Variants in ADAT2 observed in about 807,000 individuals in gnomAD.
ADAT2 encodes the protein tRNA-specific adenosine-34 deaminase catalytic subunit ADAT2.
A neutral mutation model predicts 25.9 loss-of-function variants in ADAT2; 26 were observed. The observed-to-expected ratio is 1.00, with a 90% CI of 0.74 to 1.39. The LOEUF (loss-of-function observed/expected upper bound fraction) is 1.39, where lower values mean the gene tolerates loss of function less well. Among genes scored for constraint, ADAT2 ranks in the 40% most tolerant of loss-of-function variants. The pLI is 0.00. For synonymous variants in ADAT2, 76 were observed against 86.8 expected, an observed-to-expected ratio of 0.88 and a Z score of 0.69; for missense variants, 220 against 244.8, an observed-to-expected ratio of 0.90 and a Z score of 0.68.
At position 143,435,696 on chromosome 6, in the gene ADAT2, C is replaced by G. The variant is rs537323369; in HGVS notation, c.202-1715G>C. ...TTGCTGTATTATGTTTATTACTTATCTCATGTTTTAATATCCTCTTAATAA... is the reference window on the plus strand; with the variant it reads ...TTGCTGTATTATGTTTATTACTTATGTCATGTTTTAATATCCTCTTAATAA... On this transcript the variant is annotated intron_variant, in intron 2 of 5. Transcript: ENST00000237283. Among the ~76,000 whole-genome samples the G allele has an allele frequency of 9.3e-4, 142 of 152,254 alleles. 1 individual carries two copies. The highest frequency in any genetic ancestry group is 9.4e-4 in the Non-Finnish European group (64 of 68,018).
In ADAT2 at chr6:143,432,563, C is replaced by T; in HGVS notation, c.401G>A (p.Cys134Tyr). Reference protein sequence around the residue: ...YGCQNERFGGCGSVLNIASAD... With the variant: ...YGCQNERFGGYGSVLNIASAD... ...AGAGGCAATATTTAGAACAGAGCCA[C>T]AACCACCAAATCGTTCATTCTGACA... Residue 134 changes from cysteine (C) to tyrosine (Y), a missense_variant, in exon 4 of 6, where the codon TGT (cysteine) becomes TAT (tyrosine). Cys to Tyr is a radical substitution (Grantham distance 194). Transcript: ENST00000237283. The surrounding 1 kb of genome is among the most constrained non-coding windows in gnomAD (Gnocchi z 4.4). 4 of 1,614,214 alleles carry T rather than the reference C, an allele frequency of 2.5e-6. No homozygotes were observed. The highest frequency in any genetic ancestry group is 3.4e-6 in the Non-Finnish European group (4 of 1,180,038).
At chr6:143,430,970 T>G (rs1333019142) in intron 4 of ADAT2, among the ~76,000 whole-genome samples, 1 of 152,214 alleles carries the variant, frequency 6.6e-6, no homozygotes, top group Non-Finnish European at 1.5e-5. Context: ...CTGCTTATAA[T>G]ACAGCATGAA....
chr6:143,441,683 G>T (rs1486359419), intron 1 of ADAT2: 3 of 152,124 alleles, frequency 2.0e-5, no homozygotes, highest in Non-Finnish European at 4.4e-5. Flanking sequence ...TAATACCAGG[G>T]ATTCAATTTC....
chr6:143,433,921 C>T lies in ADAT2; in HGVS notation c.262G>A (p.Gly88Ser). 1 of 1,614,130 alleles carries T rather than the reference C, an allele frequency of 6.2e-7. No homozygotes were observed. Among genetic ancestry groups the T allele is most frequent in the Non-Finnish European group, 8.5e-7 (1 of 1,180,016 alleles). ...DQVLDWCRQS[G>S]KSPSEVFEHT... ...TCAAATACTTCAGAGGGACTCTTGC[C>T]ACTTTGACGACACCAATCGAGGACC... Residue 88 changes from glycine to serine, a missense_variant, in exon 3 of 6, where the codon GGC (glycine) becomes AGC (serine). Coordinates refer to ENST00000237283, the MANE Select transcript of ADAT2 (RefSeq NM_182503.3).
chr6:143,431,878 A>G (rs941760406), intron 4 of ADAT2, among the ~76,000 whole-genome samples: 3 of 152,220 alleles, frequency 2.0e-5, no homozygotes, highest in Non-Finnish European at 2.9e-5. Context: ...CTGAAATACA[A>G]ATTCCTTTTG....
intron 1 of ADAT2, among the ~76,000 whole-genome samples, chr6:143,445,922 T>TA (rs977899662): frequency 2.6e-5 from 4 of 152,062 alleles, no homozygotes; most frequent in Non-Finnish European, 5.9e-5. Flanking sequence ...ATGCACACTA[T>TA]AAAAAAATAC....
chr6:143,450,470 G>A lies in ADAT2; in HGVS notation c.96+93C>T, dbSNP rs986513807. On this transcript the variant is annotated intron_variant, in intron 1 of 5. Coordinates refer to ENST00000237283, the MANE Select transcript of ADAT2 (RefSeq NM_182503.3). ...ACATCTGACTGCCATAAAAATTATG[G>A]TGACGAGAAAGAACGTTTGCTCAAA... The A allele has an allele frequency of 4.4e-6, 6 of 1,359,354 alleles. No individual in the cohort carries two copies. In the African/African-American group the frequency reaches 8.6e-5, roughly 19 times the overall value. The allele number at this position is 1,359,354 out of a possible 1,614,324, so 84.2% of individuals were successfully genotyped here.
At chr6:143,438,733 A>G in intron 1 of ADAT2, 39 bp from the exon 2 acceptor site, 2 of 1,484,386 alleles carry the variant, frequency 1.3e-6, no homozygotes, top group Non-Finnish European at 1.9e-6. Flanking sequence ...GTAATACTCC[A>G]TACTTGAAGA....
chr6:143,436,596 C>T lies in ADAT2; in HGVS notation c.201+1994G>A. ...GCGAGGGCAAGAATGAGATGGAATT[C>T]ACTGGGGCCGAGAGCAACATGAATG... On this transcript the variant is annotated intron_variant, in intron 2 of 5. Coordinates refer to ENST00000237283, the MANE Select transcript of ADAT2 (RefSeq NM_182503.3). This position sits in a 1 kb window ranked among gnomAD's most constrained non-coding sequence, Gnocchi z 4.1. The T allele has an allele frequency of 2.4e-6, 1 of 412,024 alleles. No individual in the cohort carries two copies. Among genetic ancestry groups the T allele is most frequent in the South Asian group, 2.1e-5 (1 of 48,694 alleles). 25.5% of individuals were successfully genotyped at this position (412,024 alleles called of 1,614,324 possible).
chr6:143,435,101 T>C (rs1779229342), intron 2 of ADAT2, among the ~76,000 whole-genome samples: 1 of 147,456 alleles, frequency 6.8e-6, no homozygotes, highest in South Asian at 2.1e-4. Flanking sequence ...AGATGGAAGG[T>C]ACTTTACAGA....
chr6:143,434,936 C>G lies in ADAT2; in HGVS notation c.202-955G>C, dbSNP rs543529011. Among the ~76,000 whole-genome samples, 1 of 152,164 alleles carries G rather than the reference C, an allele frequency of 6.6e-6. No homozygotes were observed. Among genetic ancestry groups the G allele is most frequent in the East Asian group, 1.9e-4 (1 of 5,178 alleles). ...TAGGATAAAAAGTCTCTGTCCTCAA[C>G]AAGCATAAAATCTGGTAGGGCTCAT... On this transcript the variant is annotated intron_variant, in intron 2 of 5. Coordinates refer to ENST00000237283, the MANE Select transcript of ADAT2 (RefSeq NM_182503.3). This position sits in a 1 kb window ranked among gnomAD's most constrained non-coding sequence, Gnocchi z 4.5.
intron 4 of ADAT2, among the ~76,000 whole-genome samples, chr6:143,429,779 C>A (rs1779053173): frequency 6.6e-6 from 1 of 152,190 alleles, no homozygotes; most frequent in Admixed American, 6.5e-5. Flanking sequence ...GCACAGAGGA[C>A]AGGAGGACCA....
At chr6:143,443,922 C>T (rs1406180755) in intron 1 of ADAT2, among the ~76,000 whole-genome samples, 1 of 151,898 alleles carries the variant, frequency 6.6e-6, no homozygotes, top group Non-Finnish European at 1.5e-5. Flanking sequence ...AAAATATCTC[C>T]TGAAGAGCTC....
At chr6:143,435,030 G>C (rs999638379) in intron 2 of ADAT2, among the ~76,000 whole-genome samples, 3 of 152,048 alleles carry the variant, frequency 2.0e-5, no homozygotes, top group African/African-American at 7.2e-5. Flanking sequence ...GGAAGCTAGA[G>C]GCAGATGGGA....
At chr6:143,438,865 C>T (rs1415869614) in intron 1 of ADAT2, among the ~76,000 whole-genome samples, 171 bp from the exon 2 acceptor site, 2 of 152,120 alleles carry the variant, frequency 1.3e-5, no homozygotes, top group African/African-American at 4.8e-5. Flanking sequence ...TGCCCGTGTT[C>T]TGTGTTGTGT....
At chr6:143,447,809 T>C (rs144790585) in intron 1 of ADAT2, among the ~76,000 whole-genome samples, 2,255 of 152,270 alleles carry the variant, frequency 0.015, 87 homozygotes, top group Admixed American at 0.073. Context: ...GACTGTAAAC[T>C]AGTTCAACCA....
rs1177991480 is a variant in ADAT2 at position 143,425,437 on chromosome 6, G to A, written c.*3026C>T. 1 of 150,796 alleles carries A rather than the reference G, an allele frequency of 6.6e-6. No homozygotes were observed. Among genetic ancestry groups the A allele is most frequent in the East Asian group, 1.9e-4 (1 of 5,162 alleles). The allele number at this position is 150,796 out of a possible 1,614,324, so 9.3% of individuals were successfully genotyped here. Reference sequence around the variant, plus strand: ...GGAGGCTGAGGAGGAAGGATTGCTTGAGCCAGGTTGAGGCTGCAGTGAGCT... The same window carrying A: ...GGAGGCTGAGGAGGAAGGATTGCTTAAGCCAGGTTGAGGCTGCAGTGAGCT... On this transcript the variant is annotated 3_prime_UTR_variant, in exon 6 of 6. Transcript: ENST00000237283.
In ADAT2 at chr6:143,423,812, G is replaced by C. The variant is rs1353637457; in HGVS notation, c.*4651C>G. ...GGGATGAGAAATTTCATAGATATTGGGGATGTGGGATTCTCTCTAAACTAG... is the reference window on the plus strand; with the variant it reads ...GGGATGAGAAATTTCATAGATATTGCGGATGTGGGATTCTCTCTAAACTAG... On this transcript the variant is annotated 3_prime_UTR_variant, in exon 6 of 6. Coordinates refer to ENST00000237283, the MANE Select transcript of ADAT2 (RefSeq NM_182503.3). The C allele has an allele frequency of 6.6e-6, 1 of 152,160 alleles. No homozygotes were observed. The highest frequency in any genetic ancestry group is 1.9e-4 in the East Asian group (1 of 5,196). The allele number at this position is 152,160 out of a possible 1,614,324, so 9.4% of individuals were successfully genotyped here. A position where few individuals can be genotyped will look rare whatever the true frequency, so the allele number is the denominator to read the frequency against.
At chr6:143,443,594 G>T (rs1779521188) in intron 1 of ADAT2, among the ~76,000 whole-genome samples, 1 of 152,130 alleles carries the variant, frequency 6.6e-6, no homozygotes. Context: ...ACTTTAGGAG[G>T]CCAAGGCAGG....
Sources: gnomAD v4.1 joint callset for allele counts (sites outside exome capture counted in the v4.1 genomes callset) on GRCh38, gnomAD v4.1.1 for gene constraint, Gnocchi (gnomAD v3.1) non-coding constraint, MANE v1.5 for transcripts, NCBI Gene and HGNC (gene_info 2026-07-23, HGNC 2026-07-21) for gene names.